Variants in PRELID2 observed in about 807,000 individuals in gnomAD.
PRELID2 encodes the protein PRELI domain-containing protein 2.
A neutral mutation model predicts 28.4 loss-of-function variants in PRELID2; 25 were observed. The observed-to-expected ratio is 0.88, with a 90% CI of 0.64 to 1.23. The LOEUF is 1.23. Among genes scored for constraint, PRELID2 ranks in the 50% most tolerant of loss-of-function variants. The pLI, the probability that PRELID2 is intolerant of heterozygous loss-of-function variation, is 0.00. For synonymous variants in PRELID2, 76 were observed against 71.6 expected, an observed-to-expected ratio of 1.06 and a Z score of -0.31; for missense variants, 201 against 214.4, an observed-to-expected ratio of 0.94 and a Z score of 0.39.
At chr5:145,545,010 G>A (rs898693018) in intron 1 of PRELID2, among the ~76,000 whole-genome samples, 2 of 152,112 alleles carry the variant, frequency 1.3e-5, no homozygotes, top group African/African-American at 2.4e-5. Flanking sequence ...CTATTTGCAA[G>A]TACAAGTTCA....
chr5:145,687,129 C>G (rs879104501), intron 1 of PRELID2, among the ~76,000 whole-genome samples: 1 of 152,154 alleles, frequency 6.6e-6, no homozygotes, highest in East Asian at 1.9e-4. Flanking sequence ...AGAAGGTGTT[C>G]TCTCTGGTTA....
chr5:145,351,377 G>A, the PRELID2 span, among the ~76,000 whole-genome samples: 1 of 152,134 alleles, frequency 6.6e-6, no homozygotes, highest in African/African-American at 2.4e-5. Flanking sequence ...CATGGTGGCA[G>A]GAAGCAGAAT....
chr5:145,561,299 C>A (rs1752923496), intron 1 of PRELID2, among the ~76,000 whole-genome samples: 3 of 152,166 alleles, frequency 2.0e-5, no homozygotes, highest in African/African-American at 7.2e-5. Context: ...CCAAGAGCAG[C>A]ACTTTTTTCT....
At chr5:145,300,717 T>G in the PRELID2 span, among the ~76,000 whole-genome samples, 1 of 149,652 alleles carries the variant, frequency 6.7e-6, no homozygotes, top group Non-Finnish European at 1.5e-5. Flanking sequence ...TTTTTTTTTT[T>G]GCAGTTCAGC....
At chr5:145,390,828 A>G in the PRELID2 span, among the ~76,000 whole-genome samples, 1 of 152,212 alleles carries the variant, frequency 6.6e-6, no homozygotes, top group African/African-American at 2.4e-5. Context: ...CTTCCTAGAT[A>G]CAATGGAGCT....
rs532525642 is a variant in PRELID2, at chr5:145,500,038, T to C, written n.71-26723A>G. ...CTTTCCAGTGTGATGTTTGGAAAAG[T>C]CCAGCAATTATTCTGCCCTTGCTGT... On this transcript the variant is annotated intron_variant and non_coding_transcript_variant, in intron 1 of 2. Coordinates refer to the PRELID2 transcript ENST00000510259. Among the ~76,000 whole-genome samples the C allele has an allele frequency of 1.7e-4, 26 of 152,316 alleles. No homozygotes were observed. The East Asian group carries it at 4.1e-3, about 24-fold the overall frequency.
intron 1 of PRELID2, among the ~76,000 whole-genome samples, chr5:145,658,979 G>A (rs1754442060): frequency 6.6e-6 from 1 of 152,166 alleles, no homozygotes; most frequent in African/African-American, 2.4e-5. Context: ...TGGGAAGATG[G>A]GAAGTTCGAG....
the PRELID2 span, among the ~76,000 whole-genome samples, chr5:145,432,111 T>C: frequency 1.3e-5 from 2 of 152,190 alleles, no homozygotes; most frequent in African/African-American, 2.4e-5. Flanking sequence ...TATATGTATA[T>C]AAAAAGCTTG....
chr5:145,319,505 C>T, the PRELID2 span, among the ~76,000 whole-genome samples: 1 of 151,800 alleles, frequency 6.6e-6, no homozygotes, highest in African/African-American at 2.4e-5. Flanking sequence ...CCCATTTCTA[C>T]TAAATATACA....
intron 1 of PRELID2, among the ~76,000 whole-genome samples, chr5:145,540,033 G>A (rs955017995): frequency 6.6e-6 from 1 of 151,698 alleles, no homozygotes; most frequent in Admixed American, 6.6e-5. Context: ...AGGAAAAAAA[G>A]TAAGTGAAAA....
chr5:145,820,783 T>C lies in PRELID2; in HGVS notation c.134-765A>G, dbSNP rs375784528. Among the ~76,000 whole-genome samples the C allele has an allele frequency of 9.9e-5, 15 of 152,232 alleles. 1 individual carries two copies. The highest frequency in any genetic ancestry group is 4.1e-4 in the South Asian group (2 of 4,828). On this transcript the variant is annotated intron_variant, in intron 2 of 6. Coordinates refer to ENST00000683046, the MANE Select transcript of PRELID2 (RefSeq NM_205846.3). ...GGAGTGAAAGTTTATTTAAAAAGAA[T>C]AGGAAATGGCTATTCCTGTTCTTTT... is the stretch of plus-strand genomic sequence containing the variant.
At position 145,756,782 on chromosome 5, in the gene PRELID2, AG is replaced by A. The variant is rs537256322; in HGVS notation, c.*3753del. ...TACTCTTATTCAACATATAGTATGC[AG>A]TTACACAATTTCCCAACCCCAGGGC... On this transcript the variant is annotated 3_prime_UTR_variant, in exon 7 of 7. Coordinates refer to ENST00000683046, the MANE Select transcript of PRELID2 (RefSeq NM_205846.3). 1.7e-3 allele frequency among the ~76,000 whole-genome samples: 252 copies of A among 152,316 alleles called. 1 individual carries two copies. Among genetic ancestry groups the A allele is most frequent in the African/African-American group, 5.6e-3 (233 of 41,574 alleles).
chr5:145,656,823 G>A (rs1303818022), intron 1 of PRELID2, among the ~76,000 whole-genome samples: 2 of 151,966 alleles, frequency 1.3e-5, no homozygotes, highest in East Asian at 3.9e-4. Context: ...AATGGGTGCA[G>A]CACACCAACA....
the PRELID2 span, among the ~76,000 whole-genome samples, chr5:145,459,214 G>A: frequency 1.3e-5 from 2 of 152,148 alleles, no homozygotes; most frequent in East Asian, 1.9e-4. Flanking sequence ...CCTGGGAGCT[G>A]TATCCTGGAA....
chr5:145,453,767 A>G, the PRELID2 span, among the ~76,000 whole-genome samples: 1 of 152,110 alleles, frequency 6.6e-6, no homozygotes, highest in African/African-American at 2.4e-5. Flanking sequence ...TTCCAGCTTC[A>G]TCCATGCCCC....
chr5:145,542,326 T>C (rs533916379), intron 1 of PRELID2, among the ~76,000 whole-genome samples: 4 of 152,116 alleles, frequency 2.6e-5, no homozygotes, highest in South Asian at 2.1e-4. Context: ...CTAGTTACAA[T>C]TGTATTTCCA....
the PRELID2 span, among the ~76,000 whole-genome samples, chr5:145,426,412 T>C: frequency 2.6e-5 from 4 of 152,178 alleles, no homozygotes; most frequent in South Asian, 8.3e-4. Context: ...TGGCAAAGAC[T>C]CTGACATGAA....
chr5:145,504,781 T>A (rs1038968920), intron 1 of PRELID2, among the ~76,000 whole-genome samples: 1 of 152,228 alleles, frequency 6.6e-6, no homozygotes. Context: ...CCCTTGATTA[T>A]TGTCTACTTC....
At chr5:145,475,316 C>T (rs1752090383) in intron 1 of PRELID2, among the ~76,000 whole-genome samples, 1 of 152,034 alleles carries the variant, frequency 6.6e-6, no homozygotes, top group Non-Finnish European at 1.5e-5. Flanking sequence ...ATATTTTATC[C>T]AAGTATAAAC....
Sources: allele counts gnomAD v4.1 joint callset (sites outside exome capture counted in the v4.1 genomes callset), GRCh38; gene constraint gnomAD v4.1.1; transcripts MANE v1.5; gene names NCBI Gene and HGNC (gene_info 2026-07-23, HGNC 2026-07-21).